Variants in PRELID2 observed in about 807,000 individuals in gnomAD.
The protein encoded by PRELID2 is PRELI domain containing 2, also known as PRELI domain-containing protein 2.
PRELID2 carries 25 observed loss-of-function variants against 28.4 expected under a neutral mutation model. The observed-to-expected ratio is 0.88, with a 90% CI of 0.64 to 1.23. The LOEUF (loss-of-function observed/expected upper bound fraction) is 1.23, where lower values mean the gene tolerates loss of function less well. Ranked by LOEUF, PRELID2 falls within the 50% of genes most tolerant of loss-of-function variation. The pLI is 0.00. For missense variants in PRELID2, 201 were observed against 214.4 expected (o/e 0.94, Z 0.39); for synonymous variants, 76 against 71.6 (o/e 1.06, Z -0.31).
intron 1 of PRELID2, among the ~76,000 whole-genome samples, chr5:145,670,193 GA>G (rs1754677610): frequency 6.6e-6 from 1 of 152,132 alleles, no homozygotes; most frequent in African/African-American, 2.4e-5. Flanking sequence ...AGGGCCTTAG[GA>G]AACTTCCAAT....
At chr5:145,783,751 G>A (rs770084012) in intron 5 of PRELID2, among the ~76,000 whole-genome samples, 2 of 152,126 alleles carry the variant, frequency 1.3e-5, no homozygotes, top group Non-Finnish European at 2.9e-5. Context: ...GCAAGTCTCC[G>A]ATATATAGTC....
At chr5:145,286,876 A>AT in the PRELID2 span, among the ~76,000 whole-genome samples, 42 of 151,980 alleles carry the variant, frequency 2.8e-4, no homozygotes, top group South Asian at 8.1e-3. Context: ...CACCCAGCTA[A>AT]TTTTTTGTAT....
chr5:145,482,830 G>C (rs886723537), intron 1 of PRELID2, among the ~76,000 whole-genome samples: 3 of 151,738 alleles, frequency 2.0e-5, no homozygotes, highest in Non-Finnish European at 4.4e-5. Flanking sequence ...ATTCTCATAA[G>C]ACTTATGCAA....
the PRELID2 span, among the ~76,000 whole-genome samples, chr5:145,299,494 C>G: frequency 1.1e-3 from 174 of 152,026 alleles, no homozygotes; most frequent in African/African-American, 3.4e-3. Context: ...TTTGATTTTC[C>G]TCATTCCATG....
chr5:145,546,240 T>C (rs1752787032), intron 1 of PRELID2, among the ~76,000 whole-genome samples: 1 of 152,160 alleles, frequency 6.6e-6, no homozygotes, highest in South Asian at 2.1e-4. Flanking sequence ...AAAAATGATT[T>C]CTCTGAAAAA....
the PRELID2 span, among the ~76,000 whole-genome samples, chr5:145,276,179 G>C: frequency 6.6e-6 from 1 of 152,010 alleles, no homozygotes; most frequent in Non-Finnish European, 1.5e-5. Context: ...TTTTGATAAC[G>C]ATGGAATTTT....
intron 6 of PRELID2, among the ~76,000 whole-genome samples, chr5:145,763,204 G>T (rs999709721): frequency 6.6e-6 from 1 of 152,216 alleles, no homozygotes; most frequent in East Asian, 1.9e-4. Context: ...CCACCCTCCA[G>T]AGTAAGATGG....
At chr5:145,726,808 T>C (rs1756180358) in intron 1 of PRELID2, among the ~76,000 whole-genome samples, 1 of 152,246 alleles carries the variant, frequency 6.6e-6, no homozygotes, top group Non-Finnish European at 1.5e-5. Context: ...TATTAACTTT[T>C]CACACTTTGA....
In PRELID2 at chr5:145,818,866, T is replaced by C. The variant is rs558536476; in HGVS notation, c.208-812A>G. On this transcript the variant is annotated intron_variant, in intron 3 of 6. Coordinates refer to ENST00000683046, the MANE Select transcript of PRELID2 (RefSeq NM_205846.3). ...GCTGGGTTCCACATCTGATATGGTT[T>C]GGCTGTGTCCCCTCCCAAATCTCAT... is the stretch of plus-strand genomic sequence containing the variant. 2.6e-5 allele frequency among the ~76,000 whole-genome samples: 4 copies of C among 152,304 alleles called. No individual in the cohort carries two copies. The Middle Eastern group carries it at 0.014, about 518-fold the overall frequency.
intron 1 of PRELID2, among the ~76,000 whole-genome samples, chr5:145,623,499 T>C (rs1753801571): frequency 6.6e-6 from 1 of 150,604 alleles, no homozygotes. Flanking sequence ...GCCACAGTAA[T>C]AAAAACAATG....
At chr5:145,256,517 G>A in the PRELID2 span, among the ~76,000 whole-genome samples, 1 of 151,798 alleles carries the variant, frequency 6.6e-6, no homozygotes, top group Non-Finnish European at 1.5e-5. Flanking sequence ...AACCTTAGTT[G>A]CCCTTTTCCA....
chr5:145,327,141 A>G, the PRELID2 span, among the ~76,000 whole-genome samples: 251 of 152,260 alleles, frequency 1.6e-3, 1 homozygote, highest in Non-Finnish European at 2.9e-3. Flanking sequence ...TATTTGGTCT[A>G]TATTGTTATT....
At chr5:145,695,175 G>A (rs1043268051) in intron 1 of PRELID2, among the ~76,000 whole-genome samples, 1 of 152,208 alleles carries the variant, frequency 6.6e-6, no homozygotes, top group Non-Finnish European at 1.5e-5. Flanking sequence ...CAGGTACAGG[G>A]AGGGGAGCTA....
chr5:145,591,205 A>C (rs1243066296), intron 1 of PRELID2, among the ~76,000 whole-genome samples: 1 of 151,728 alleles, frequency 6.6e-6, no homozygotes, highest in African/African-American at 2.4e-5. Context: ...CTGAGGTAGG[A>C]GGACTGCTTG....
At chr5:145,447,710 G>C in the PRELID2 span, among the ~76,000 whole-genome samples, 7 of 117,692 alleles carry the variant, frequency 5.9e-5, no homozygotes, top group Non-Finnish European at 1.2e-4. Context: ...CTATGAGTGA[G>C]AATATGCGGT....
At chr5:145,493,548 C>T (rs1012160452) in intron 1 of PRELID2, among the ~76,000 whole-genome samples, 5 of 152,212 alleles carry the variant, frequency 3.3e-5, no homozygotes, top group African/African-American at 1.2e-4. Flanking sequence ...CATGGTCTTC[C>T]TACCTGTACC....
At chr5:145,824,425 C>CGTGTGTGTGTGTGTGTGTGTGTGTGTGT (rs369429281) in intron 1 of PRELID2, among the ~76,000 whole-genome samples, 1 of 96,160 alleles carries the variant, frequency 1.0e-5, no homozygotes, top group African/African-American at 3.0e-5. Flanking sequence ...CCACAGCAGG[C>CGTGTGTGTGTGTGTGTGTGTGTGTGTGT]GTGTGTGTGT....
chr5:145,778,362 C>A (rs1758549953), intron 5 of PRELID2, among the ~76,000 whole-genome samples: 1 of 152,150 alleles, frequency 6.6e-6, no homozygotes, highest in South Asian at 2.1e-4. Flanking sequence ...GGTCTCCTCT[C>A]TGCTAGGGGC....
At chr5:145,538,920 A>G (rs998058468) in intron 1 of PRELID2, among the ~76,000 whole-genome samples, 4 of 151,954 alleles carry the variant, frequency 2.6e-5, no homozygotes, top group Non-Finnish European at 5.9e-5. Context: ...GCACATACTC[A>G]ATCAGCAGAA....
Sources: gnomAD v4.1 joint callset for allele counts (sites outside exome capture counted in the v4.1 genomes callset) on GRCh38, gnomAD v4.1.1 for gene constraint, MANE v1.5 for transcripts, NCBI Gene and HGNC (gene_info 2026-07-23, HGNC 2026-07-21) for gene names.